Variants in MAF observed in about 807,000 individuals in gnomAD.
MAF encodes the protein MAF bZIP transcription factor, also known as transcription factor Maf.
MAF carries 10 observed loss-of-function variants against 22.0 expected under a neutral mutation model. The observed-to-expected ratio is 0.45, with a 90% CI of 0.28 to 0.77. The LOEUF is 0.77. Among genes scored for constraint, MAF ranks in the 30% least tolerant of loss-of-function variants. The pLI, the probability that MAF is intolerant of heterozygous loss-of-function variation, is 0.12. For synonymous variants in MAF, 337 were observed against 255.8 expected (o/e 1.32, Z -3.03); for missense variants, 544 against 548.4 (o/e 0.99, Z 0.08).
chr16:79,414,195 T>C, the MAF span, among the ~76,000 whole-genome samples: 1 of 152,218 alleles, frequency 6.6e-6, no homozygotes, highest in Non-Finnish European at 1.5e-5. Flanking sequence ...TCTTGGTCCA[T>C]TTTGTGTTGC....
the MAF span, among the ~76,000 whole-genome samples, chr16:79,548,063 G>T: frequency 8.0e-4 from 122 of 152,218 alleles, no homozygotes; most frequent in African/African-American, 2.8e-3. Flanking sequence ...AACATATCAT[G>T]GTTTGATATA....
the MAF span, chr16:79,211,878 A>C: frequency 1.3e-6 from 2 of 1,587,200 alleles, no homozygotes; most frequent in Non-Finnish European, 1.7e-6. Flanking sequence ...CCCCTTCCAA[A>C]TGTCCCTCCA....
the MAF span, among the ~76,000 whole-genome samples, chr16:79,461,453 C>A: frequency 1.3e-5 from 2 of 152,182 alleles, no homozygotes; most frequent in Admixed American, 1.3e-4. Flanking sequence ...GCCATGTCAG[C>A]TCAGCCAGCA....
At chr16:79,234,763 G>T in the MAF span, among the ~76,000 whole-genome samples, 1 of 152,128 alleles carries the variant, frequency 6.6e-6, no homozygotes, top group Non-Finnish European at 1.5e-5. Context: ...ACAGTGGGGA[G>T]TGGCTCCCCT....
chr16:79,217,849 A>C, the MAF span, among the ~76,000 whole-genome samples: 2 of 152,060 alleles, frequency 1.3e-5, no homozygotes, highest in African/African-American at 4.8e-5. Flanking sequence ...AAATGGGGTT[A>C]TGAGTGGTTT....
downstream of MAF, among the ~76,000 whole-genome samples, chr16:79,584,392 T>C (rs1469400976): frequency 6.6e-6 from 1 of 152,250 alleles, no homozygotes; most frequent in Non-Finnish European, 1.5e-5. Context: ...CTTCAAGGAA[T>C]TGTCCTTCTC....
At chr16:79,580,287 G>C in the MAF span, among the ~76,000 whole-genome samples, 1 of 152,144 alleles carries the variant, frequency 6.6e-6, no homozygotes, top group African/African-American at 2.4e-5. Flanking sequence ...AGCCTTTGTT[G>C]CCCTTAGACT....
the MAF span, among the ~76,000 whole-genome samples, chr16:79,512,143 G>T: frequency 6.6e-6 from 1 of 152,158 alleles, no homozygotes; most frequent in African/African-American, 2.4e-5. Flanking sequence ...GAATGACAAT[G>T]TTTTTCTTTA....
At chr16:79,576,780 A>T in the MAF span, among the ~76,000 whole-genome samples, 1 of 152,136 alleles carries the variant, frequency 6.6e-6, no homozygotes, top group Admixed American at 6.5e-5. Flanking sequence ...TGCTTTACAT[A>T]CATTATCATA....
the MAF span, among the ~76,000 whole-genome samples, chr16:79,236,944 G>GAA: frequency 0.4 from 56,199 of 140,396 alleles, 11,749 homozygotes; most frequent in Non-Finnish European, 0.48. Flanking sequence ...ATAAATCTCG[G>GAA]AAAAAAAAAA....
At chr16:79,340,915 C>A in the MAF span, among the ~76,000 whole-genome samples, 1 of 152,082 alleles carries the variant, frequency 6.6e-6, no homozygotes, top group Admixed American at 6.6e-5. Flanking sequence ...ACATTAAAAT[C>A]GATAGAAACA....
the MAF span, among the ~76,000 whole-genome samples, chr16:79,263,146 A>G: frequency 6.6e-6 from 1 of 152,200 alleles, no homozygotes; most frequent in African/African-American, 2.4e-5. Context: ...TGAACTAGGC[A>G]GACACGGCCT....
the MAF span, among the ~76,000 whole-genome samples, chr16:79,439,900 C>T: frequency 6.6e-6 from 1 of 152,182 alleles, no homozygotes; most frequent in Admixed American, 6.5e-5. Context: ...TAACCCAGTG[C>T]ATCAGGGACT....
the MAF span, among the ~76,000 whole-genome samples, chr16:79,408,110 G>T: frequency 8.1e-6 from 1 of 124,158 alleles, no homozygotes; most frequent in Admixed American, 8.8e-5. Context: ...ACCTAAAGGC[G>T]TGGTGGAGGG....
chr16:79,597,122 T>G (rs1913579769), intron 1 of MAF: 1 of 1,058,500 alleles, frequency 9.4e-7, no homozygotes. Flanking sequence ...AAGCTACTTT[T>G]TTTAAACAGT....
the MAF span, among the ~76,000 whole-genome samples, chr16:79,525,068 T>C: frequency 6.6e-6 from 1 of 152,158 alleles, no homozygotes. Context: ...AATATGCCAT[T>C]AGTGGCCACA....
Position 79,599,931 on chromosome 16 carries a change from C to T in MAF, c.-29G>A. 6.3e-7 allele frequency: 1 copy of T among 1,596,848 alleles called. No individual in the cohort carries two copies. Among genetic ancestry groups the T allele is most frequent in the Non-Finnish European group, 8.5e-7 (1 of 1,178,030 alleles). ...CCTGCCGCCGCCGCCGCCGCCGCCG[C>T]CGCTCCGCCAGATGGGCTGCAGGAG... On this transcript the variant is annotated 5_prime_UTR_variant, in exon 1 of 2. Coordinates refer to ENST00000326043, the MANE Select transcript of MAF (RefSeq NM_005360.5).
chr16:79,281,371 G>T, the MAF span, among the ~76,000 whole-genome samples: 2 of 151,980 alleles, frequency 1.3e-5, no homozygotes, highest in Non-Finnish European at 2.9e-5. Context: ...TTTAATAAAA[G>T]AAGTCAGAGG....
chr16:79,251,315 T>C, the MAF span, among the ~76,000 whole-genome samples: 1 of 75,092 alleles, frequency 1.3e-5, no homozygotes, highest in South Asian at 2.9e-4. Context: ...TAAGTCTTTA[T>C]CTTTTTTTTT....
Sources: allele counts gnomAD v4.1 joint callset (sites outside exome capture counted in the v4.1 genomes callset), GRCh38; gene constraint gnomAD v4.1.1; transcripts MANE v1.5; gene names NCBI Gene and HGNC (gene_info 2026-07-23, HGNC 2026-07-21).